The following SRSF4 variants were observed in gnomAD, a reference collection of about 807,000 sequenced individuals.
SRSF4 encodes serine/arginine-rich splicing factor 4.
A neutral mutation model predicts 48.8 loss-of-function variants in SRSF4; 12 were observed. That is an observed-to-expected ratio of 0.25 (90% confidence interval 0.16 to 0.40). SRSF4 has a LOEUF of 0.40. Ranked by LOEUF, SRSF4 falls within the 10% of genes least tolerant of loss-of-function variation. SRSF4 has a pLI of 1.00. For missense variants in SRSF4, 466 were observed against 667.1 expected (o/e 0.70, Z 3.32); for synonymous variants, 248 against 232.5 (o/e 1.07, Z -0.61).
intron 4 of SRSF4, among the ~76,000 whole-genome samples, chr1:29,152,955 T>G (rs1309418705): frequency 6.6e-6 from 1 of 152,030 alleles, no homozygotes; most frequent in Non-Finnish European, 1.5e-5. Context: ...AAAGGCATTT[T>G]CTTCTGCTCA....
intron 1 of SRSF4, chr1:29,171,345 C>A (rs1298433892): frequency 6.6e-6 from 1 of 150,444 alleles, no homozygotes; most frequent in African/African-American, 2.5e-5. Context: ...CAGAGGCAAT[C>A]CCCAAAGGAC....
intron 3 of SRSF4, among the ~76,000 whole-genome samples, chr1:29,156,292 T>TG (rs1194760196): frequency 1.3e-5 from 2 of 150,594 alleles, no homozygotes; most frequent in Non-Finnish European, 2.9e-5. Flanking sequence ...AGGTGGAAGT[T>TG]GCAGTGAGCG....
intron 1 of SRSF4, chr1:29,172,721 T>G (rs180808306): frequency 1.3e-5 from 2 of 152,232 alleles, no homozygotes; most frequent in African/African-American, 4.8e-5. Context: ...ACTGAGATAC[T>G]TGAATATGTT....
rs1258331721 is a variant in SRSF4, at chr1:29,181,723, G to A, written c.30C>T (p.Ser10=). MPRVYIGRL[S]YQARERDVER... ...CCACATCGCGCTCCCGGGCCTGGTA[G>A]CTCAGGCGGCCGATGTACACCCGCG... Residue 10 remains serine (S), a synonymous_variant, in exon 1 of 6, where the codon AGC becomes AGT. Transcript: ENST00000373795. 1 of 1,593,752 alleles carries A rather than the reference G, an allele frequency of 6.3e-7. No homozygotes were observed. The highest frequency in any genetic ancestry group is 8.5e-7 in the Non-Finnish European group (1 of 1,172,666).
intron 4 of SRSF4, among the ~76,000 whole-genome samples, chr1:29,152,700 C>G (rs904933634): frequency 1.3e-5 from 2 of 152,024 alleles, no homozygotes; most frequent in African/African-American, 4.8e-5. Flanking sequence ...GGGTGGGTCA[C>G]CTGAGGTCAG....
chr1:29,181,555 C>A (rs531052699), intron 1 of SRSF4, 91 bp downstream of exon 1: 1 of 1,151,110 alleles, frequency 8.7e-7, no homozygotes. Context: ...CCGCTCCGCG[C>A]GGACCAGGCG....
intron 1 of SRSF4, among the ~76,000 whole-genome samples, chr1:29,163,075 C>A (rs1033292352): frequency 6.6e-6 from 1 of 152,276 alleles, no homozygotes; most frequent in Non-Finnish European, 1.5e-5. Context: ...ATTAATGTTA[C>A]GACAGATGAA....
intron 4 of SRSF4, chr1:29,154,406 A>T (rs965528628): frequency 8.7e-6 from 3 of 343,202 alleles, no homozygotes; most frequent in Admixed American, 4.6e-5. Flanking sequence ...CATATTGGTC[A>T]GGCTGGTCTT....
At position 29,148,993 on chromosome 1, in the gene SRSF4, C is replaced by T. The variant is rs778106060; in HGVS notation, c.902G>A (p.Arg301Gln). The change falls in exon 6 of 6, where the codon CGG (arginine) becomes CAG (glutamine). Residue 301 changes from arginine to glutamine, a missense_variant. Coordinates refer to ENST00000373795, the MANE Select transcript of SRSF4 (RefSeq NM_005626.5). ...CACTCTCCTCTCCTGACTCCTGCTCCGACTTTTGCTCTTACTTTTATGCCT... is the reference window on the plus strand; with the variant it reads ...CACTCTCCTCTCCTGACTCCTGCTCTGACTTTTGCTCTTACTTTTATGCCT... ...PSRHKSKSKSRSRSQERRVEE... is the reference protein window; with the variant it reads ...PSRHKSKSKSQSRSQERRVEE... 4.3e-6 allele frequency: 7 copies of T among 1,613,410 alleles called. No homozygotes were observed. Among genetic ancestry groups the T allele is most frequent in the South Asian group, 3.3e-5 (3 of 91,062 alleles).
chr1:29,152,458 T>G (rs1204629330), intron 4 of SRSF4, among the ~76,000 whole-genome samples: 1 of 152,184 alleles, frequency 6.6e-6, no homozygotes, highest in Non-Finnish European at 1.5e-5. Flanking sequence ...CAGTGACTTC[T>G]CACTACTCTT....
intron 4 of SRSF4, among the ~76,000 whole-genome samples, chr1:29,152,945 A>G (rs1228023585): frequency 1.3e-5 from 2 of 151,568 alleles, no homozygotes; most frequent in Non-Finnish European, 2.9e-5. Flanking sequence ...AGAAAGAAAG[A>G]AAGGCATTTT....
chr1:29,170,659 T>C (rs909389640), intron 1 of SRSF4: 1 of 152,254 alleles, frequency 6.6e-6, no homozygotes, highest in South Asian at 2.1e-4. Context: ...TCTTTTAAAA[T>C]GGATGGATCA....
intron 1 of SRSF4, chr1:29,169,124 G>A (rs1672709345): frequency 6.6e-6 from 1 of 152,178 alleles, no homozygotes; most frequent in South Asian, 2.1e-4. Context: ...AAAGCATTAT[G>A]CTAAGTGCTT....
intron 1 of SRSF4, chr1:29,172,540 C>T (rs1672760067): frequency 6.6e-6 from 1 of 152,218 alleles, no homozygotes; most frequent in Admixed American, 6.5e-5. Flanking sequence ...GATCCGCCCG[C>T]CTTGGCCTCC....
chr1:29,151,129 G>A (rs1672402488), intron 4 of SRSF4, among the ~76,000 whole-genome samples: 1 of 152,124 alleles, frequency 6.6e-6, no homozygotes, highest in Admixed American at 6.6e-5. Flanking sequence ...GATGGGCCTA[G>A]ACCATCTCAT....
intron 1 of SRSF4, among the ~76,000 whole-genome samples, chr1:29,180,328 A>T (rs951918627): frequency 6.6e-6 from 1 of 152,228 alleles, no homozygotes; most frequent in Non-Finnish European, 1.5e-5. Context: ...TATCCTTAAG[A>T]ACTGAACGTT....
intron 1 of SRSF4, among the ~76,000 whole-genome samples, chr1:29,161,144 C>G (rs754727620): frequency 3.3e-5 from 5 of 152,088 alleles, no homozygotes; most frequent in Non-Finnish European, 7.3e-5. Flanking sequence ...CTCGTGCAAA[C>G]TTCTTTAAAT....
intron 1 of SRSF4, among the ~76,000 whole-genome samples, chr1:29,168,079 G>C (rs980373324): frequency 4.0e-5 from 6 of 150,606 alleles, no homozygotes; most frequent in Admixed American, 3.3e-4. Flanking sequence ...GCAGCGGCGC[G>C]ATCTCCACTC....
Position 29,148,719 on chromosome 1 carries a change from C to G in SRSF4, c.1176G>C (p.Lys392Asn), listed in dbSNP as rs1672348519. ...SKRDSKAGSS[K>N]KKKKEDTDRS... ...GGTCAGTGTCTTCCTTCTTCTTCTT[C>G]TTGCTGCTGCCCGCCTTGCTGTCTC... The change falls in exon 6 of 6, where the codon AAG becomes AAC. Residue 392 changes from lysine to asparagine, a missense_variant. By Grantham distance (94) the Lys-to-Asn change is moderately conservative. This residue lies in a region of SRSF4 where 402 missense variants were observed against 437.0 expected (regional missense o/e 0.92). Transcript: ENST00000373795. The G allele has an allele frequency of 1.2e-6, 2 of 1,613,786 alleles. No homozygotes were observed. Among genetic ancestry groups the G allele is most frequent in the Non-Finnish European group, 8.5e-7 (1 of 1,179,938 alleles).
Sources: allele counts gnomAD v4.1 joint callset (sites outside exome capture counted in the v4.1 genomes callset), GRCh38; gene constraint gnomAD v4.1.1; regional missense constraint gnomAD v4.1.1; transcripts MANE v1.5; gene names NCBI Gene and HGNC (gene_info 2026-07-23, HGNC 2026-07-21).